ST8SIA1: variants seen among roughly 807,000 people sequenced by gnomAD.
ST8SIA1 encodes ST8 alpha-N-acetyl-neuraminide alpha-2,8-sialyltransferase 1.
Under a neutral mutation model 35.9 loss-of-function variants are expected in ST8SIA1, and 16 were observed. That is an observed-to-expected ratio of 0.45 (90% confidence interval 0.30 to 0.68). The LOEUF is 0.68. ST8SIA1 is among the 30% of genes least tolerant of loss of function. ST8SIA1 has a pLI of 0.09. For synonymous variants in ST8SIA1, 170 were observed against 169.6 expected, an observed-to-expected ratio of 1.00 and a Z score of -0.02; for missense variants, 383 against 453.6, an observed-to-expected ratio of 0.84 and a Z score of 1.41.
intron 4 of ST8SIA1, among the ~76,000 whole-genome samples, chr12:22,219,722 A>C (rs1865275906): frequency 1.3e-5 from 2 of 152,166 alleles, no homozygotes; most frequent in Non-Finnish European, 2.9e-5. Context: ...GGGAAAGCAA[A>C]TGGAAATTTC....
intron 1 of ST8SIA1, chr12:22,324,492 C>T (rs1159020706): frequency 6.6e-6 from 1 of 151,938 alleles, no homozygotes; most frequent in African/African-American, 2.4e-5. Flanking sequence ...ATCTTACAGC[C>T]ATTAGAAGAG....
rs910547619 is a variant in ST8SIA1 at position 22,197,990 on chromosome 12, G to T, written c.*3562C>A. On this transcript the variant is annotated 3_prime_UTR_variant, in exon 5 of 5. Transcript: ENST00000396037. ...AAAGCATATGTGTCTGTGAGTCATT[G>T]TCCATATAAAAATCTTTCATATAAA... The T allele has an allele frequency of 6.0e-4, 92 of 152,282 alleles. No homozygotes were observed. Among genetic ancestry groups the T allele is most frequent in the African/African-American group, 2.1e-3 (89 of 41,544 alleles). The allele number at this position is 152,282 out of a possible 1,614,324, so 9.4% of individuals were successfully genotyped here. A position where few individuals can be genotyped will look rare whatever the true frequency, so the allele number is the denominator to read the frequency against.
intron 2 of ST8SIA1, among the ~76,000 whole-genome samples, chr12:22,263,515 A>T (rs1179884256): frequency 6.6e-6 from 1 of 152,184 alleles, no homozygotes; most frequent in Non-Finnish European, 1.5e-5. Context: ...ATCATAACTA[A>T]GTTTTGTTGA....
At chr12:22,249,377 C>T (rs941745025) in intron 3 of ST8SIA1, among the ~76,000 whole-genome samples, 4 of 151,980 alleles carry the variant, frequency 2.6e-5, no homozygotes, top group Non-Finnish European at 5.9e-5. Context: ...TGCCACCACA[C>T]CCGGCTAATT....
At position 22,200,961 on chromosome 12, in the gene ST8SIA1, A is replaced by C. The variant is rs1188662554; in HGVS notation, c.*591T>G. 2 of 152,104 alleles carry C rather than the reference A, an allele frequency of 1.3e-5. No individual in the cohort carries two copies. The highest frequency in any genetic ancestry group is 2.9e-5 in the Non-Finnish European group (2 of 68,034). The allele number at this position is 152,104 out of a possible 1,614,324, so 9.4% of individuals were successfully genotyped here. ...ATGTAAAATTTTAAAAATAGAGGGG[A>C]GCTATAGTTAATATAGACGTGGCTC... On this transcript the variant is annotated 3_prime_UTR_variant, in exon 5 of 5. Transcript: ENST00000396037.
intron 4 of ST8SIA1, among the ~76,000 whole-genome samples, chr12:22,209,669 T>C (rs180681984): frequency 2.2e-4 from 34 of 152,314 alleles, no homozygotes; most frequent in African/African-American, 8.2e-4. Context: ...TCACTTCTTT[T>C]AGGTCTTGGC....
intron 1 of ST8SIA1, among the ~76,000 whole-genome samples, chr12:22,296,890 T>C (rs1370933934): frequency 3.9e-5 from 6 of 152,164 alleles, no homozygotes; most frequent in African/African-American, 7.2e-5. Flanking sequence ...TGAACACCTA[T>C]ACTCCACTGG....
At chr12:22,226,603 C>T (rs1865361302) in intron 4 of ST8SIA1, among the ~76,000 whole-genome samples, 1 of 151,620 alleles carries the variant, frequency 6.6e-6, no homozygotes, top group Non-Finnish European at 1.5e-5. Flanking sequence ...TCTCCTTTCC[C>T]TTTCCTTCAT....
Position 22,201,957 on chromosome 12 carries a change from G to A in ST8SIA1, c.666C>T (p.Ala222=). 1 of 1,614,010 alleles carries A rather than the reference G, an allele frequency of 6.2e-7. No homozygotes were observed. Among genetic ancestry groups the A allele is most frequent in the Non-Finnish European group, 8.5e-7 (1 of 1,179,944 alleles). ...GCTCTGTTCCTGTCTTCATAGAAAA[G>A]GCAGGCATGTAGATGTAACTGTGGT... The part of the protein sequence containing the change: ...IYNHSYIYMP[A]FSMKTGTEPS... The change falls in exon 5 of 5, where the codon GCC becomes GCT. Residue 222 remains alanine, a synonymous_variant. Coordinates refer to ENST00000396037, the MANE Select transcript of ST8SIA1 (RefSeq NM_003034.4).
chr12:22,219,109 C>T (rs1464325004), intron 4 of ST8SIA1, among the ~76,000 whole-genome samples: 3 of 152,060 alleles, frequency 2.0e-5, no homozygotes, highest in African/African-American at 7.2e-5. Context: ...GAACTATTTG[C>T]ATTAGCATTG....
chr12:22,329,405 C>G (rs1215369979), intron 1 of ST8SIA1, among the ~76,000 whole-genome samples: 1 of 152,060 alleles, frequency 6.6e-6, no homozygotes, highest in African/African-American at 2.4e-5. Context: ...TTTACGTATC[C>G]AGTAAGGGTT....
intron 1 of ST8SIA1, among the ~76,000 whole-genome samples, chr12:22,305,379 C>CTTTTTT (rs71053397): frequency 7.5e-6 from 1 of 132,990 alleles, no homozygotes; most frequent in Non-Finnish European, 1.6e-5. Context: ...TTCCAGCATA[C>CTTTTTT]TTTTTTTTTT....
chr12:22,243,894 G>C (rs1865569679), intron 4 of ST8SIA1, among the ~76,000 whole-genome samples: 1 of 152,066 alleles, frequency 6.6e-6, no homozygotes, highest in Non-Finnish European at 1.5e-5. Context: ...ACCCGGGTGT[G>C]GTGGCACACG....
At chr12:22,266,505 A>ATG (rs1865850621) in intron 2 of ST8SIA1, among the ~76,000 whole-genome samples, 1 of 144,502 alleles carries the variant, frequency 6.9e-6, no homozygotes, top group Admixed American at 6.8e-5. Context: ...AAAAAAAAAT[A>ATG]TATATATATA....
In ST8SIA1 at chr12:22,303,077, C is replaced by G. The variant is rs79411367; in HGVS notation, c.237-15784G>C. On this transcript the variant is annotated intron_variant, in intron 1 of 4. Transcript: ENST00000396037. ...GCTCAACTTTGACAAAATAAACTTT[C>G]TGAATTAAATGAAACCTGTCTCAGA... Among the ~76,000 whole-genome samples, 139 of 152,278 alleles carry G rather than the reference C, an allele frequency of 9.1e-4. 1 individual carries two copies. In the East Asian group the frequency reaches 0.021, roughly 23 times the overall value.
At chr12:22,302,233 C>CTTA (rs1866327871) in intron 1 of ST8SIA1, among the ~76,000 whole-genome samples, 1 of 150,788 alleles carries the variant, frequency 6.6e-6, no homozygotes, top group African/African-American at 2.5e-5. Flanking sequence ...CGATTTTTTT[C>CTTA]TTTCTTTTCC....
intron 4 of ST8SIA1, among the ~76,000 whole-genome samples, chr12:22,241,180 G>A (rs1865537001): frequency 6.6e-6 from 1 of 151,894 alleles, no homozygotes; most frequent in Non-Finnish European, 1.5e-5. Flanking sequence ...ATTTTCTGTA[G>A]AGAACATTTT....
In ST8SIA1 at chr12:22,266,592, G is replaced by A. The variant is rs142377210; in HGVS notation, c.382-11203C>T. Among the ~76,000 whole-genome samples, 26 of 151,920 alleles carry A rather than the reference G, an allele frequency of 1.7e-4. No homozygotes were observed. In the East Asian group the frequency reaches 3.1e-3, roughly 18 times the overall value. On this transcript the variant is annotated intron_variant, in intron 2 of 4. Transcript: ENST00000396037. ...TGGCAGGAGGATTGCTTGAGGCCAG[G>A]AGTTTGAGACCAGCCTAGTAAAACT...
chr12:22,289,244 T>C (rs546746474), intron 1 of ST8SIA1, among the ~76,000 whole-genome samples: 1 of 152,178 alleles, frequency 6.6e-6, no homozygotes, highest in Non-Finnish European at 1.5e-5. Flanking sequence ...ATATCTTATA[T>C]TTTTTAGTCC....
Sources: gnomAD v4.1 joint callset for allele counts (sites outside exome capture counted in the v4.1 genomes callset) on GRCh38, gnomAD v4.1.1 for gene constraint, MANE v1.5 for transcripts, NCBI Gene and HGNC (gene_info 2026-07-23, HGNC 2026-07-21) for gene names.